UNC5B: variants seen among roughly 807,000 people sequenced by gnomAD.
UNC5B encodes the protein netrin receptor UNC5B.
Under a neutral mutation model 103.7 loss-of-function variants are expected in UNC5B, and 56 were observed. The ratio of observed to expected loss-of-function variants is 0.54; its 90% CI spans 0.44 to 0.67. The LOEUF is 0.67. Among genes scored for constraint, UNC5B ranks in the 30% least tolerant of loss-of-function variants. The pLI is 0.00. For synonymous variants in UNC5B, 577 were observed against 542.0 expected (o/e 1.06, Z -0.90); for missense variants, 1,194 against 1,284.5 (o/e 0.93, Z 1.08).
intron 1 of UNC5B, among the ~76,000 whole-genome samples, chr10:71,230,248 T>G (rs1249416140): frequency 6.6e-6 from 1 of 152,096 alleles, no homozygotes; most frequent in Non-Finnish European, 1.5e-5. Context: ...CTCTGATTGG[T>G]CAGAGTGAGG....
At chr10:71,226,627 G>C (rs552423003) in intron 1 of UNC5B, among the ~76,000 whole-genome samples, 2 of 152,370 alleles carry the variant, frequency 1.3e-5, no homozygotes, top group South Asian at 4.1e-4. Context: ...AAAGTATTTA[G>C]TGATGGTAGC....
In UNC5B at chr10:71,284,854, C is replaced by G. The variant is rs184681996; in HGVS notation, c.439C>G (p.Arg147Gly). Reference sequence around the variant, plus strand: ...CACCAAGAGTCGCCGAGCCTACGTCCGCATCGCCTGTACGCCACCCTGACC... The same window carrying G: ...CACCAAGAGTCGCCGAGCCTACGTCGGCATCGCCTGTACGCCACCCTGACC... Reference protein sequence around the residue: ...GTTKSRRAYVRIAYLRKNFDQ... With the variant: ...GTTKSRRAYVGIAYLRKNFDQ... The change falls in exon 3 of 17, where the codon CGC becomes GGC. Residue 147 changes from arginine (R) to glycine (G), a missense_variant. By Grantham distance (125) the Arg-to-Gly change is moderately radical. Transcript: ENST00000335350. The G allele has an allele frequency of 2.5e-6, 4 of 1,605,892 alleles. No homozygotes were observed. The African/African-American group carries it at 5.3e-5, about 21-fold the overall frequency.
rs1303477002 is a variant in UNC5B at position 71,292,502 on chromosome 10, C to G, written c.1720C>G (p.Gln574Glu). ...SLLVPNGAIPQGKFYEMYLLI... is the reference protein window; with the variant it reads ...SLLVPNGAIPEGKFYEMYLLI... ...GCTGGTGCCCAATGGAGCCATTCCC[C>G]AGGGCAAGTTCTACGAGATGTATCT... Residue 574 changes from glutamine (Q) to glutamate (E), a missense_variant, in exon 11 of 17, where the codon CAG (glutamine) becomes GAG (glutamate). By Grantham distance (29) the Gln-to-Glu change is conservative (BLOSUM62 2). Coordinates refer to ENST00000335350, the MANE Select transcript of UNC5B (RefSeq NM_170744.5). 1.2e-6 allele frequency: 2 copies of G among 1,605,930 alleles called. No homozygotes were observed. Among genetic ancestry groups the G allele is most frequent in the East Asian group, 4.5e-5 (2 of 44,756 alleles).
At chr10:71,235,249 GC>G (rs1390169724) in intron 1 of UNC5B, among the ~76,000 whole-genome samples, 9 of 152,200 alleles carry the variant, frequency 5.9e-5, no homozygotes, top group Non-Finnish European at 1.5e-5. Context: ...CAGGGAAGGG[GC>G]CCAGACCACA....
At chr10:71,268,350 C>A (rs1411204128) in intron 1 of UNC5B, among the ~76,000 whole-genome samples, 1 of 152,242 alleles carries the variant, frequency 6.6e-6, no homozygotes, top group Non-Finnish European at 1.5e-5. Context: ...TCTGTGACTT[C>A]TTTTATGCCA....
intron 2 of UNC5B, 122 bp from the exon 3 acceptor site, chr10:71,284,598 A>C: frequency 7.1e-7 from 1 of 1,408,890 alleles, no homozygotes; most frequent in Non-Finnish European, 9.6e-7. Flanking sequence ...GACAAGAGGA[A>C]TGGAGGGAAA....
chr10:71,265,503 G>A lies in UNC5B; in HGVS notation c.80-14318G>A, dbSNP rs114631931. On this transcript the variant is annotated intron_variant, in intron 1 of 16. Coordinates refer to ENST00000335350, the MANE Select transcript of UNC5B (RefSeq NM_170744.5). ...CGTGAACTAAGAACTTTTCTCCGCC[G>A]CTTTCTCAGGGAAACCAGCTCTGAG... Among the ~76,000 whole-genome samples the A allele has an allele frequency of 8.3e-3, 1,264 of 152,262 alleles. 24 individuals are homozygous for A. The highest frequency in any genetic ancestry group is 0.02 in the Middle Eastern group (6 of 294).
At chr10:71,255,813 C>T (rs998702690) in intron 1 of UNC5B, among the ~76,000 whole-genome samples, 20 of 152,210 alleles carry the variant, frequency 1.3e-4, no homozygotes, top group Non-Finnish European at 2.5e-4. Context: ...GTCTGGCCTC[C>T]AGCAGCTTGC....
At chr10:71,249,376 C>A (rs1564715977) in intron 1 of UNC5B, among the ~76,000 whole-genome samples, 2 of 152,234 alleles carry the variant, frequency 1.3e-5, no homozygotes, top group South Asian at 4.1e-4. Context: ...AAACTTGGCC[C>A]AGCTGCCCCA....
intron 1 of UNC5B, among the ~76,000 whole-genome samples, chr10:71,269,054 C>G (rs926295002): frequency 4.6e-5 from 7 of 152,122 alleles, no homozygotes; most frequent in Non-Finnish European, 1.0e-4. Flanking sequence ...AGAGAGATGC[C>G]CAGCGTGTTC....
intron 1 of UNC5B, among the ~76,000 whole-genome samples, chr10:71,257,240 A>G (rs561775375): frequency 6.6e-6 from 1 of 152,278 alleles, no homozygotes; most frequent in East Asian, 1.9e-4. Flanking sequence ...TCCAGCCAGC[A>G]TGGCCCACCA....
Position 71,260,000 on chromosome 10 carries a change from G to A in UNC5B, c.80-19821G>A, listed in dbSNP as rs1844377987. On this transcript the variant is annotated intron_variant, in intron 1 of 16. Transcript: ENST00000335350. ...TTTGGGTTTAAGCTGGAGCCTCTAG[G>A]GGACAAACAAGCCAACTGCCAGGCA... 2.0e-5 allele frequency among the ~76,000 whole-genome samples: 3 copies of A among 152,180 alleles called. No individual in the cohort carries two copies. The South Asian group carries it at 6.2e-4, about 31-fold the overall frequency.
Position 71,213,728 on chromosome 10 carries a change from A to AGTGTGTGTGTGTGTGTGT in UNC5B, c.79+681_79+698dup, listed in dbSNP as rs58235566. Among the ~76,000 whole-genome samples the AGTGTGTGTGTGTGTGTGT allele has an allele frequency of 0.01, 1,328 of 131,396 alleles. 32 individuals carry two copies. The highest frequency in any genetic ancestry group is 0.032 in the African/African-American group (1,078 of 34,198). 86.2% of individuals were successfully genotyped at this position (131,396 alleles called of 152,430 possible). A position where few individuals can be genotyped will look rare whatever the true frequency, so the allele number is the denominator to read the frequency against. ...ATTATTAATTTTCTGAGTGTTGGAGAGTGTGTGTGTGTGTGTGTGTGTGTG... is the reference window on the plus strand; with the variant it reads ...ATTATTAATTTTCTGAGTGTTGGAGAGTGTGTGTGTGTGTGTGTGTGTGTGTGTGTGTGTGTGTGTGTG... On this transcript the variant is annotated intron_variant, in intron 1 of 16. Transcript: ENST00000335350. The surrounding 1 kb of genome is among the most constrained non-coding windows in gnomAD (Gnocchi z 4.1).
At position 71,277,755 on chromosome 10, in the gene UNC5B, C is replaced by T. The variant is rs193015790; in HGVS notation, c.80-2066C>T. The stretch of plus-strand genomic sequence containing the variant: ...CCCTGGCCTGGCCTCAGGAATCTGC[C>T]TTGCTCTTCCCACATTAGCTACCCA... On this transcript the variant is annotated intron_variant, in intron 1 of 16. Transcript: ENST00000335350. 1.0e-3 allele frequency among the ~76,000 whole-genome samples: 153 copies of T among 152,356 alleles called. 1 individual carries two copies. The highest frequency in any genetic ancestry group is 6.8e-3 in the South Asian group (33 of 4,832).
At chr10:71,243,234 C>A (rs901579794) in intron 1 of UNC5B, among the ~76,000 whole-genome samples, 2 of 151,884 alleles carry the variant, frequency 1.3e-5, no homozygotes, top group African/African-American at 4.8e-5. Context: ...GACTCAGTCT[C>A]AAAAGAAAAA....
rs140957531 is a variant in UNC5B, at chr10:71,293,585, C to T, written c.1941+12C>T. 1,076 of 1,613,556 alleles carry T rather than the reference C, an allele frequency of 6.7e-4. 5 individuals carry two copies. In the African/African-American group the frequency reaches 0.012, roughly 18 times the overall value. The stretch of plus-strand genomic sequence containing the variant: ...AGGGCCACTGGGAGGTGAGGAGCCA[C>T]GGTGAAGGCTGGCCCAGCTCTCCCA... On this transcript the variant is annotated intron_variant, in intron 12 of 16. Transcript: ENST00000335350.
At chr10:71,279,683 C>T (rs12783787) in intron 1 of UNC5B, 138 bp from the exon 2 acceptor site, 81,104 of 862,132 alleles carry the variant, frequency 0.094, 4,643 homozygotes, top group Non-Finnish European at 0.12. Context: ...TTGCAGATTA[C>T]GTCCCCAGGA....
intron 1 of UNC5B, among the ~76,000 whole-genome samples, chr10:71,216,937 G>A (rs1364696020): frequency 6.6e-6 from 1 of 152,242 alleles, no homozygotes; most frequent in Non-Finnish European, 1.5e-5. Context: ...GACCCTCAGA[G>A]TTGGGGTTGG....
chr10:71,274,470 A>G (rs1844720716), intron 1 of UNC5B, among the ~76,000 whole-genome samples: 1 of 152,240 alleles, frequency 6.6e-6, no homozygotes, highest in African/African-American at 2.4e-5. Context: ...CTGTCCGAAG[A>G]AGAACCTGGC....
Sources: allele counts gnomAD v4.1 joint callset (sites outside exome capture counted in the v4.1 genomes callset), GRCh38; gene constraint gnomAD v4.1.1; non-coding constraint Gnocchi (gnomAD v3.1); transcripts MANE v1.5; gene names NCBI Gene and HGNC (gene_info 2026-07-23, HGNC 2026-07-21).